PPEF1: variants seen among roughly 807,000 people sequenced by gnomAD.
The protein encoded by PPEF1 is serine/threonine-protein phosphatase with EF-hands 1.
In PPEF1, 12 loss-of-function variants were observed where a neutral mutation model predicts 53.3. The observed-to-expected ratio is 0.23, with a 90% CI of 0.14 to 0.36. PPEF1 has a LOEUF of 0.36. PPEF1 is among the 10% of genes least tolerant of loss of function. PPEF1 has a pLI of 1.00. For missense variants in PPEF1, 334 were observed against 490.4 expected (o/e 0.68, Z 3.01); for synonymous variants, 165 against 176.7 (o/e 0.93, Z 0.52).
At chrX:18,682,712 A>G (rs979912630), upstream of PPEF1, among the ~76,000 whole-genome samples, 9 of 112,086 alleles carry the variant, frequency 8.0e-5, no homozygotes, top group African/African-American at 2.9e-4. Context: ...TCTCAAATGG[A>G]TGAGCGTTGG....
At chrX:18,709,248 G>T (rs1490897303) in intron 1 of PPEF1, among the ~76,000 whole-genome samples, 3 of 111,559 alleles carry the variant, frequency 2.7e-5, no homozygotes, top group Non-Finnish European at 5.6e-5. Flanking sequence ...TATCCATTAA[G>T]CACTTTCTCC....
intron 10 of PPEF1, among the ~76,000 whole-genome samples, chrX:18,789,995 A>T (rs1295152176): frequency 8.9e-6 from 1 of 112,310 alleles, no homozygotes; most frequent in Admixed American, 9.4e-5. Context: ...ATTCTAAAAA[A>T]GTTTAACATT....
intron 1 of PPEF1, among the ~76,000 whole-genome samples, chrX:18,718,834 G>A (rs890172959): frequency 3.6e-5 from 4 of 111,964 alleles, no homozygotes; most frequent in Non-Finnish European, 3.8e-5. Context: ...TATTCAGAAC[G>A]CTTTTCTTAT....
intron 4 of PPEF1, among the ~76,000 whole-genome samples, chrX:18,754,755 G>A (rs751725318): frequency 9.0e-6 from 1 of 111,596 alleles, no homozygotes; most frequent in Admixed American, 9.5e-5. Context: ...ATGCCATCAT[G>A]CCCAGTTAAT....
chrX:18,810,855 G>A lies in PPEF1; in HGVS notation c.1394+4310G>A, dbSNP rs147279887. Among the ~76,000 whole-genome samples, 32 of 112,038 alleles carry A rather than the reference G, an allele frequency of 2.9e-4. 2 individuals are homozygous for A. In the East Asian group the frequency reaches 8.6e-3, roughly 30 times the overall value. ...TATGAACATTCATGGGCAAGTTTTT[G>A]TGTGTACATGTTTCATTTCTCTTGA... On this transcript the variant is annotated intron_variant, in intron 12 of 15. Transcript: ENST00000470157.
intron 1 of PPEF1, among the ~76,000 whole-genome samples, chrX:18,726,806 C>A (rs1375028402): frequency 9.1e-6 from 1 of 109,905 alleles, no homozygotes; most frequent in Non-Finnish European, 1.9e-5. Context: ...GGATTACAAG[C>A]GTGTACCACC....
intron 3 of PPEF1, chrX:18,690,884 G>A (rs955079130): frequency 1.8e-5 from 2 of 112,128 alleles, no homozygotes; most frequent in Non-Finnish European, 3.8e-5. Flanking sequence ...TACATTGTGA[G>A]GTCACCAAGG....
chrX:18,743,952 G>C (rs967029476), intron 3 of PPEF1, among the ~76,000 whole-genome samples: 9 of 110,486 alleles, frequency 8.1e-5, no homozygotes, highest in Non-Finnish European at 1.7e-4. Context: ...GCAGTGGCAT[G>C]ACCTCGGCTC....
chrX:18,772,903 C>G (rs1457444284), intron 6 of PPEF1, among the ~76,000 whole-genome samples: 1 of 112,939 alleles, frequency 8.9e-6, no homozygotes, highest in Non-Finnish European at 1.9e-5. Context: ...ATGGGCTTCT[C>G]CACAAGGCTG....
chrX:18,733,923 CTT>C (rs1288888704), intron 3 of PPEF1, 115 bp downstream of exon 3: 1 of 606,731 alleles, frequency 1.6e-6, no homozygotes, highest in Non-Finnish European at 2.4e-6. Flanking sequence ...ATGCCTACCT[CTT>C]TTGTTTATGT....
At chrX:18,708,359 G>A (rs1401565857) in intron 1 of PPEF1, among the ~76,000 whole-genome samples, 1 of 111,812 alleles carries the variant, frequency 8.9e-6, no homozygotes, top group Non-Finnish European at 1.9e-5. Flanking sequence ...TAAATAGATG[G>A]CATGCCTTTC....
At chrX:18,710,859 A>T (rs1834568088) in intron 1 of PPEF1, among the ~76,000 whole-genome samples, 1 of 110,278 alleles carries the variant, frequency 9.1e-6, no homozygotes, top group Non-Finnish European at 1.9e-5. Flanking sequence ...AAGTCATTAT[A>T]TCAAATAGAT....
intron 3 of PPEF1, among the ~76,000 whole-genome samples, chrX:18,738,416 T>G (rs1169507481): frequency 6.2e-5 from 7 of 112,021 alleles, no homozygotes; most frequent in Non-Finnish European, 1.3e-4. Flanking sequence ...AATTCTGGGT[T>G]GAAAATTCTT....
At chrX:18,801,626 T>C (rs1408285978) in intron 10 of PPEF1, among the ~76,000 whole-genome samples, 2 of 111,581 alleles carry the variant, frequency 1.8e-5, no homozygotes, top group African/African-American at 6.6e-5. Flanking sequence ...TTCAAGGTTA[T>C]GTAGCTTTAA....
At chrX:18,709,106 G>C (rs2044265349) in intron 1 of PPEF1, among the ~76,000 whole-genome samples, 1 of 112,324 alleles carries the variant, frequency 8.9e-6, no homozygotes, top group African/African-American at 3.2e-5. Flanking sequence ...TTATTGAGGT[G>C]AAATTCACGT....
At chrX:18,717,255 G>A (rs149981188) in intron 1 of PPEF1, among the ~76,000 whole-genome samples, 2,237 of 107,676 alleles carry the variant, frequency 0.021, 65 homozygotes, top group African/African-American at 0.072. Flanking sequence ...TAACCTCTAC[G>A]TACTTCAGCA....
chrX:18,816,769 A>G (rs2046925755), intron 12 of PPEF1, among the ~76,000 whole-genome samples: 1 of 111,684 alleles, frequency 9.0e-6, no homozygotes, highest in Non-Finnish European at 1.9e-5. Context: ...CTGTTTTATC[A>G]TTATAAAATA....
At chrX:18,789,093 T>C (rs1569265615) in intron 9 of PPEF1, 28 bp from the exon 10 acceptor site, 1 of 1,204,659 alleles carries the variant, frequency 8.3e-7, no homozygotes, top group Non-Finnish European at 1.1e-6. Context: ...AGCAGAGGGT[T>C]GGACTAAAGC....
chrX:18,789,849 C>T (rs1460403105), intron 10 of PPEF1, among the ~76,000 whole-genome samples: 8 of 112,038 alleles, frequency 7.1e-5, no homozygotes, highest in Non-Finnish European at 1.3e-4. Context: ...AGCTGATGGA[C>T]GTTTGGGTTG....
Sources: allele counts gnomAD v4.1 joint callset (sites outside exome capture counted in the v4.1 genomes callset), GRCh38; gene constraint gnomAD v4.1.1; transcripts MANE v1.5; gene names NCBI Gene and HGNC (gene_info 2026-07-23, HGNC 2026-07-21).